Variants in RABGAP1L observed in about 807,000 individuals in gnomAD.
RABGAP1L encodes RAB GTPase activating protein 1 like.
In RABGAP1L, 63 loss-of-function variants were observed where a neutral mutation model predicts 137.7. That is an observed-to-expected ratio of 0.46 (90% CI 0.37 to 0.56). The LOEUF is 0.56. RABGAP1L is among the 20% of genes least tolerant of loss of function. The pLI is 0.00. For synonymous variants in RABGAP1L, 431 were observed against 433.7 expected (o/e 0.99, Z 0.08); for missense variants, 1,095 against 1,244.0 (o/e 0.88, Z 1.80).
intron 10 of RABGAP1L, among the ~76,000 whole-genome samples, chr1:174,286,665 T>TC (rs1401009375): frequency 6.6e-6 from 1 of 151,928 alleles, no homozygotes; most frequent in Non-Finnish European, 1.5e-5. Context: ...GTCTTTTTTT[T>TC]CCCCATAATT....
chr1:174,847,569 G>A (rs1647252281), intron 19 of RABGAP1L, among the ~76,000 whole-genome samples: 1 of 141,196 alleles, frequency 7.1e-6, no homozygotes, highest in South Asian at 2.5e-4. Flanking sequence ...ACTCTCTTCT[G>A]GCTTGTAGGG....
At chr1:174,346,710 A>AT (rs1222711581) in intron 11 of RABGAP1L, among the ~76,000 whole-genome samples, 1 of 145,016 alleles carries the variant, frequency 6.9e-6, no homozygotes, top group Non-Finnish European at 1.5e-5. Context: ...GATCTTTTGC[A>AT]TTTTTTTCAT....
intron 13 of RABGAP1L, among the ~76,000 whole-genome samples, chr1:174,622,493 GCA>G (rs1672594010): frequency 6.6e-6 from 1 of 152,188 alleles, no homozygotes; most frequent in African/African-American, 2.4e-5. Flanking sequence ...AGAAAATGTG[GCA>G]CATATACACC....
At chr1:174,224,635 T>C (rs1670021717) in intron 3 of RABGAP1L, among the ~76,000 whole-genome samples, 3 of 152,216 alleles carry the variant, frequency 2.0e-5, no homozygotes, top group Admixed American at 1.3e-4. Flanking sequence ...ATCCTTTTAA[T>C]GTCTGCAGGA....
chr1:174,333,105 A>G (rs563613087), intron 11 of RABGAP1L, among the ~76,000 whole-genome samples: 7 of 152,334 alleles, frequency 4.6e-5, no homozygotes, highest in African/African-American at 1.7e-4. Context: ...CATGTGTGGA[A>G]TCCAAAAAAT....
At chr1:174,419,307 G>A (rs369007297) in intron 13 of RABGAP1L, among the ~76,000 whole-genome samples, 1 of 152,092 alleles carries the variant, frequency 6.6e-6, no homozygotes, top group South Asian at 2.1e-4. Context: ...TTCTCATTTC[G>A]AACAAGCTAT....
intron 13 of RABGAP1L, among the ~76,000 whole-genome samples, chr1:174,532,777 G>A (rs1291015545): frequency 6.6e-6 from 1 of 152,058 alleles, no homozygotes; most frequent in African/African-American, 2.4e-5. Flanking sequence ...CTATAAAGCA[G>A]CAAAGAGGAG....
At chr1:174,306,072 T>C (rs1678211794) in intron 11 of RABGAP1L, among the ~76,000 whole-genome samples, 1 of 152,204 alleles carries the variant, frequency 6.6e-6, no homozygotes, top group Non-Finnish European at 1.5e-5. Context: ...GCTTCATCCA[T>C]GTCCCTACAA....
intron 14 of RABGAP1L, among the ~76,000 whole-genome samples, chr1:174,650,390 A>G (rs1675371330): frequency 6.6e-6 from 1 of 152,086 alleles, no homozygotes; most frequent in African/African-American, 2.4e-5. Context: ...TATTGATTGG[A>G]ATAGTTTCAG....
chr1:174,756,112 C>T (rs1028333017), intron 18 of RABGAP1L, among the ~76,000 whole-genome samples: 12 of 152,092 alleles, frequency 7.9e-5, no homozygotes, highest in Non-Finnish European at 1.8e-4. Flanking sequence ...TTGTTAGAGA[C>T]AGAATTTCTC....
At chr1:174,916,897 A>G (rs963124737) in intron 19 of RABGAP1L, among the ~76,000 whole-genome samples, 1 of 152,216 alleles carries the variant, frequency 6.6e-6, no homozygotes, top group African/African-American at 2.4e-5. Flanking sequence ...GGACTGCCAT[A>G]ACCAAACACC....
intron 13 of RABGAP1L, among the ~76,000 whole-genome samples, chr1:174,456,930 A>G (rs1340360215): frequency 2.0e-5 from 3 of 152,162 alleles, no homozygotes; most frequent in South Asian, 2.1e-4. Flanking sequence ...TTGCATTTCA[A>G]ATCTATAAAT....
chr1:174,527,076 A>G (rs1663937974), intron 13 of RABGAP1L, among the ~76,000 whole-genome samples: 1 of 151,708 alleles, frequency 6.6e-6, no homozygotes, highest in South Asian at 2.1e-4. Flanking sequence ...GAATGTTTTT[A>G]TTGACCCAGT....
chr1:174,455,030 T>G (rs752792693), intron 13 of RABGAP1L, among the ~76,000 whole-genome samples: 1 of 152,182 alleles, frequency 6.6e-6, no homozygotes, highest in Non-Finnish European at 1.5e-5. Context: ...TAACTTTTAT[T>G]CTGCTTTTAT....
At chr1:174,795,356 G>T (rs140908910) in intron 18 of RABGAP1L, among the ~76,000 whole-genome samples, 2 of 152,258 alleles carry the variant, frequency 1.3e-5, no homozygotes, top group African/African-American at 4.8e-5. Context: ...CCAGCAAAGG[G>T]ATAGCAACCT....
chr1:174,894,913 T>C (rs1490348412), intron 19 of RABGAP1L, among the ~76,000 whole-genome samples: 1 of 152,068 alleles, frequency 6.6e-6, no homozygotes, highest in East Asian at 1.9e-4. Flanking sequence ...CTCACCACCA[T>C]GCCCAGATAA....
At position 174,231,306 on chromosome 1, in the gene RABGAP1L, C is replaced by A. The variant is rs774012891; in HGVS notation, c.493C>A (p.Pro165Thr). Residue 165 changes from proline (P) to threonine (T), a missense_variant, in exon 4 of 26, where the codon CCC becomes ACC. Pro to Thr is a conservative substitution (Grantham distance 38, BLOSUM62 -1). Transcript: ENST00000681986. ...MATMKSSSQY[P>T]FPVTLYVPNV... Reference sequence around the variant, plus strand: ...AACCATGAAATCTTCCAGTCAATACCCCTTTCCTGTTACCCTGTATGTACC... The same window carrying A: ...AACCATGAAATCTTCCAGTCAATACACCTTTCCTGTTACCCTGTATGTACC... 1 of 1,614,102 alleles carries A rather than the reference C, an allele frequency of 6.2e-7. No individual in the cohort carries two copies. Among genetic ancestry groups the A allele is most frequent in the African/African-American group, 1.3e-5 (1 of 75,030 alleles).
intron 1 of RABGAP1L, among the ~76,000 whole-genome samples, chr1:174,203,062 G>A (rs1463577327): frequency 6.6e-6 from 1 of 151,948 alleles, no homozygotes; most frequent in Non-Finnish European, 1.5e-5. Context: ...TGATGTCTTC[G>A]TCATGAAATC....
At chr1:174,617,182 T>C (rs1671966632) in intron 13 of RABGAP1L, among the ~76,000 whole-genome samples, 3 of 152,222 alleles carry the variant, frequency 2.0e-5, no homozygotes, top group Non-Finnish European at 4.4e-5. Context: ...AAGAAAAATC[T>C]CTAGACTGCT....
Sources: gnomAD v4.1 joint callset for allele counts (sites outside exome capture counted in the v4.1 genomes callset) on GRCh38, gnomAD v4.1.1 for gene constraint, MANE v1.5 for transcripts, NCBI Gene and HGNC (gene_info 2026-07-23, HGNC 2026-07-21) for gene names.